DPP10: variants seen among roughly 807,000 people sequenced by gnomAD.
The protein encoded by DPP10 is dipeptidyl peptidase like 10, also known as inactive dipeptidyl peptidase 10.
DPP10 carries 33 observed loss-of-function variants against 120.9 expected under a neutral mutation model. The ratio of observed to expected loss-of-function variants is 0.27; its 90% CI spans 0.21 to 0.37. The LOEUF is 0.37. DPP10 is among the 10% of genes least tolerant of loss of function. The probability of loss-of-function intolerance (pLI) is 1.00; values close to 1 mark genes in which losing one functional copy is unlikely to be tolerated. For synonymous variants in DPP10, 337 were observed against 326.1 expected (o/e 1.03, Z -0.36); for missense variants, 816 against 942.8 (o/e 0.87, Z 1.76).
At chr2:115,083,808 C>G (rs933299042) in intron 1 of DPP10, among the ~76,000 whole-genome samples, 1 of 152,236 alleles carries the variant, frequency 6.6e-6, no homozygotes, top group Non-Finnish European at 1.5e-5. Context: ...TCCAACTACA[C>G]AGCCAGCCAT....
At chr2:114,457,761 G>A (rs1006545453) in intron 1 of DPP10, among the ~76,000 whole-genome samples, 1 of 152,066 alleles carries the variant, frequency 6.6e-6, no homozygotes, top group East Asian at 1.9e-4. Flanking sequence ...CCAACACTTA[G>A]GTATTGAGTG....
chr2:114,594,798 T>C (rs1691769309), intron 1 of DPP10, among the ~76,000 whole-genome samples: 1 of 151,968 alleles, frequency 6.6e-6, no homozygotes, highest in South Asian at 2.1e-4. Context: ...TATCTTCCAT[T>C]TTCCTAACCA....
At chr2:114,603,908 A>C (rs1440838686) in intron 1 of DPP10, among the ~76,000 whole-genome samples, 1 of 152,106 alleles carries the variant, frequency 6.6e-6, no homozygotes, top group Non-Finnish European at 1.5e-5. Flanking sequence ...TCTTGTAGTC[A>C]TATATATAGC....
chr2:114,560,368 A>T (rs1042516831), intron 1 of DPP10, among the ~76,000 whole-genome samples: 88 of 152,312 alleles, frequency 5.8e-4, no homozygotes, highest in African/African-American at 2.1e-3. Flanking sequence ...AAACAAAGAG[A>T]AGATGGTTCC....
At chr2:115,102,739 T>C (rs947544987) in intron 1 of DPP10, among the ~76,000 whole-genome samples, 11 of 146,404 alleles carry the variant, frequency 7.5e-5, no homozygotes, top group African/African-American at 1.5e-4. Flanking sequence ...ATTTCCTTCA[T>C]TGACTGAAAA....
intron 1 of DPP10, among the ~76,000 whole-genome samples, chr2:115,085,055 A>G (rs752953306): frequency 3.3e-5 from 5 of 152,222 alleles, no homozygotes; most frequent in Admixed American, 6.5e-5. Context: ...AGATGGCAAT[A>G]GAGAAAATGC....
At chr2:115,428,639 A>T (rs1233861056) in intron 3 of DPP10, among the ~76,000 whole-genome samples, 2 of 152,134 alleles carry the variant, frequency 1.3e-5, no homozygotes, top group Non-Finnish European at 2.9e-5. Context: ...AGATGACCAA[A>T]GCCCCTCCTA....
intron 1 of DPP10, among the ~76,000 whole-genome samples, chr2:115,245,030 G>A (rs2058471016): frequency 6.6e-6 from 1 of 151,758 alleles, no homozygotes; most frequent in Non-Finnish European, 1.5e-5. Context: ...AAAGTCCATC[G>A]TATCATTCTT....
chr2:114,982,953 T>A (rs2420584), intron 1 of DPP10, among the ~76,000 whole-genome samples: 8,505 of 152,244 alleles, frequency 0.056, 294 homozygotes, highest in East Asian at 0.12. Flanking sequence ...TTTGTCTTAC[T>A]TAAGCATTGT....
intron 1 of DPP10, among the ~76,000 whole-genome samples, chr2:115,294,353 T>C (rs1258267877): frequency 6.6e-6 from 1 of 152,144 alleles, no homozygotes; most frequent in Non-Finnish European, 1.5e-5. Context: ...TCAGGCTTCG[T>C]TAACACTATG....
chr2:115,126,085 G>A (rs2050070113), intron 1 of DPP10, among the ~76,000 whole-genome samples: 1 of 152,004 alleles, frequency 6.6e-6, no homozygotes, highest in Non-Finnish European at 1.5e-5. Context: ...CATTGCTACT[G>A]ACAAAAATTA....
intron 1 of DPP10, among the ~76,000 whole-genome samples, chr2:114,656,927 A>C (rs898832888): frequency 6.6e-6 from 1 of 152,142 alleles, no homozygotes; most frequent in Admixed American, 6.5e-5. Flanking sequence ...AAAACTAAAA[A>C]TAAAAATAAA....
intron 1 of DPP10, among the ~76,000 whole-genome samples, chr2:115,284,008 G>A (rs1175815993): frequency 2.1e-4 from 32 of 151,882 alleles, no homozygotes; most frequent in Admixed American, 2.1e-3. Flanking sequence ...ATAGCCTAAC[G>A]ATGGACTTCT....
At chr2:115,139,782 C>G (rs968569827) in intron 1 of DPP10, among the ~76,000 whole-genome samples, 8 of 137,120 alleles carry the variant, frequency 5.8e-5, no homozygotes, top group South Asian at 2.6e-4. Flanking sequence ...TATAAAATAC[C>G]TTGACGATTC....
At chr2:114,926,913 C>G (rs530833911) in intron 1 of DPP10, among the ~76,000 whole-genome samples, 1 of 145,432 alleles carries the variant, frequency 6.9e-6, no homozygotes, top group Non-Finnish European at 1.5e-5. Context: ...AGCAGTGGTG[C>G]GATCTCGGCT....
At chr2:115,768,487 T>A in intron 13 of DPP10, 83 bp downstream of exon 13, 1 of 1,233,854 alleles carries the variant, frequency 8.1e-7, no homozygotes, top group Non-Finnish European at 1.1e-6. Context: ...TCTAAACCTC[T>A]AGTTCATGGT....
rs535183376 is a variant in DPP10 at position 115,739,684 on chromosome 2, G to T, written c.698-55G>T. 25 of 1,565,780 alleles carry T rather than the reference G, an allele frequency of 1.6e-5. No homozygotes were observed. The East Asian group carries it at 4.7e-4, about 30-fold the overall frequency. ...GAGATTTCAAGGACAGATGTTTGTG[G>T]GTCACTGAGCCCACATCTCTACAGT... On this transcript the variant is annotated intron_variant, in intron 8 of 25. Coordinates refer to ENST00000410059, the MANE Select transcript of DPP10 (RefSeq NM_020868.6).
chr2:114,688,940 G>A (rs1301221182), intron 1 of DPP10, among the ~76,000 whole-genome samples: 2 of 151,900 alleles, frequency 1.3e-5, no homozygotes, highest in Non-Finnish European at 2.9e-5. Flanking sequence ...GTATGTGTGT[G>A]TGTCTGTGTC....
chr2:115,321,356 C>G (rs2062047199), intron 2 of DPP10, among the ~76,000 whole-genome samples: 1 of 152,066 alleles, frequency 6.6e-6, no homozygotes, highest in Non-Finnish European at 1.5e-5. Context: ...CCACCTTCTT[C>G]TTGTCTCTAT....
Sources: allele counts gnomAD v4.1 joint callset (sites outside exome capture counted in the v4.1 genomes callset), GRCh38; gene constraint gnomAD v4.1.1; transcripts MANE v1.5; gene names NCBI Gene and HGNC (gene_info 2026-07-23, HGNC 2026-07-21).